The following HEBP1 variants were observed in gnomAD, a reference collection of about 807,000 sequenced individuals.
HEBP1 encodes the protein heme binding protein 1, also known as heme-binding protein 1.
In HEBP1, 13 loss-of-function variants were observed where a neutral mutation model predicts 20.4. The ratio of observed to expected loss-of-function variants is 0.64; its 90% CI spans 0.42 to 1.01. The LOEUF is 1.01. HEBP1 is among the 50% of genes least tolerant of loss of function. The probability of loss-of-function intolerance (pLI) is 0.00; values close to 1 mark genes in which losing one functional copy is unlikely to be tolerated. For missense variants in HEBP1, 241 were observed against 247.3 expected (o/e 0.97, Z 0.17); for synonymous variants, 92 against 90.7 (o/e 1.01, Z -0.08).
chr12:12,975,171 TGG>T lies in HEBP1; in HGVS notation c.*135_*136del. 1 of 730,366 alleles carries T rather than the reference TGG, an allele frequency of 1.4e-6. No individual in the cohort carries two copies. The highest frequency in any genetic ancestry group is 2.3e-6 in the Non-Finnish European group (1 of 433,760). The allele number at this position is 730,366 out of a possible 1,614,324, so 45.2% of individuals were successfully genotyped here. On this transcript the variant is annotated 3_prime_UTR_variant, in exon 4 of 4. Coordinates refer to ENST00000014930, the MANE Select transcript of HEBP1 (RefSeq NM_015987.5). Reference sequence around the variant, plus strand: ...ATGGAACATGCTTTTTTCAGAAAATTGGCAGTAACTGACTTTGAAGGAAAGTT... The same window carrying T: ...ATGGAACATGCTTTTTTCAGAAAATTCAGTAACTGACTTTGAAGGAAAGTT...
chr12:12,982,471 A>G (rs1245696353), intron 3 of HEBP1, among the ~76,000 whole-genome samples: 2 of 152,164 alleles, frequency 1.3e-5, no homozygotes, highest in African/African-American at 4.8e-5. Context: ...CTAAGTGGTA[A>G]TGTGGGAACC....
intron 2 of HEBP1, 37 bp downstream of exon 2, chr12:12,989,240 C>G (rs850918): frequency 0.85 from 1,375,639 of 1,610,080 alleles, 597,722 homozygotes; most frequent in East Asian, 0.99. Flanking sequence ...CAAAGCTGGT[C>G]CCCGAGACCA....
chr12:12,978,847 G>A (rs909749602), intron 3 of HEBP1: 3 of 152,098 alleles, frequency 2.0e-5, no homozygotes, highest in Admixed American at 2.0e-4. Flanking sequence ...GATTTAGTTT[G>A]GGGGGCATAT....
intron 3 of HEBP1, among the ~76,000 whole-genome samples, chr12:12,981,189 G>A (rs906258875): frequency 1.3e-5 from 2 of 152,216 alleles, no homozygotes; most frequent in African/African-American, 4.8e-5. Flanking sequence ...ATTGGAACAG[G>A]GTGGGTAGGA....
intron 1 of HEBP1, among the ~76,000 whole-genome samples, chr12:12,993,935 G>A (rs1864261128): frequency 6.6e-6 from 1 of 152,194 alleles, no homozygotes; most frequent in Non-Finnish European, 1.5e-5. Flanking sequence ...GTGATAACAT[G>A]TTTGGGGAGG....
chr12:12,991,578 G>A (rs1396273911), intron 1 of HEBP1, among the ~76,000 whole-genome samples: 1 of 152,068 alleles, frequency 6.6e-6, no homozygotes, highest in Non-Finnish European at 1.5e-5. Context: ...TCCTTGCCAC[G>A]TGATTGCTCA....
intron 3 of HEBP1, among the ~76,000 whole-genome samples, chr12:12,981,571 C>T (rs747854293): frequency 4.1e-4 from 63 of 152,160 alleles, no homozygotes; most frequent in Admixed American, 6.5e-4. Flanking sequence ...AAATGTTTGT[C>T]AAATCAAACC....
At chr12:12,979,862 G>A (rs1864052453) in intron 3 of HEBP1, 1 of 152,294 alleles carries the variant, frequency 6.6e-6, no homozygotes, top group African/African-American at 2.4e-5. Flanking sequence ...CCTGATTCCA[G>A]AAACACAACA....
At position 12,975,417 on chromosome 12, in the gene HEBP1, G is replaced by A; in HGVS notation, c.461C>T (p.Ala154Val). The A allele has an allele frequency of 1.2e-6, 2 of 1,613,160 alleles. No individual in the cohort carries two copies. The highest frequency in any genetic ancestry group is 1.7e-6 in the Non-Finnish European group (2 of 1,179,624). ...CCGGTAGGTGGCTGTGCCCTCCAGG[G>A]CAGCACGCAGACGGGTGGCTTGTGC... Reference protein sequence around the residue: ...YVAQATRLRAALEGTATYRGD... With the variant: ...YVAQATRLRAVLEGTATYRGD... The change falls in exon 4 of 4, where the codon GCC (alanine) becomes GTC (valine). Residue 154 changes from alanine (A) to valine (V), a missense_variant. Transcript: ENST00000014930.
At chr12:12,978,773 C>A (rs1864034574) in intron 3 of HEBP1, among the ~76,000 whole-genome samples, 1 of 152,012 alleles carries the variant, frequency 6.6e-6, no homozygotes, top group Non-Finnish European at 1.5e-5. Flanking sequence ...TGCCGCTAAC[C>A]AGAATAGGGA....
chr12:13,000,166 G>C lies in HEBP1; in HGVS notation c.-52C>G, dbSNP rs766988694. The stretch of plus-strand genomic sequence containing the variant: ...CGGGAGGACGTGAGGTGGCGGGGGC[G>C]ACGGAGCACCACGGGCAGCGACCAC... On this transcript the variant is annotated 5_prime_UTR_variant, in exon 1 of 4. Transcript: ENST00000014930. The C allele has an allele frequency of 7.5e-7, 1 of 1,338,874 alleles. No homozygotes were observed. The highest frequency in any genetic ancestry group is 2.6e-5 in the East Asian group (1 of 38,676). 82.9% of individuals were successfully genotyped at this position (1,338,874 alleles called of 1,614,324 possible). A position where few individuals can be genotyped will look rare whatever the true frequency, so the allele number is the denominator to read the frequency against.
rs926104561 is a variant in HEBP1 at position 12,979,625 on chromosome 12, G to C, written c.399-4146C>G. 1.8e-4 allele frequency: 27 copies of C among 152,280 alleles called. 1 individual carries two copies. Among genetic ancestry groups the C allele is most frequent in the Non-Finnish European group, 4.0e-4 (27 of 68,034 alleles). The allele number at this position is 152,280 out of a possible 1,614,324, so 9.4% of individuals were successfully genotyped here. A position where few individuals can be genotyped will look rare whatever the true frequency, so the allele number is the denominator to read the frequency against. ...CGAATTCCTGCGCGCACTTGAAGGT[G>C]AGTTAAGAAATGCTCATAAAGTGCT... On this transcript the variant is annotated intron_variant, in intron 3 of 3. Coordinates refer to ENST00000014930, the MANE Select transcript of HEBP1 (RefSeq NM_015987.5).
intron 3 of HEBP1, chr12:12,977,320 A>G (rs1179614014): frequency 6.6e-6 from 1 of 152,272 alleles, no homozygotes; most frequent in Non-Finnish European, 1.5e-5. Flanking sequence ...TAGTAAGCTC[A>G]CAACAAACAG....
At chr12:12,985,697 T>A (rs2136543807) in intron 3 of HEBP1, 1 of 152,214 alleles carries the variant, frequency 6.6e-6, no homozygotes, top group South Asian at 2.1e-4. Flanking sequence ...AAATAGTATC[T>A]TAGTAAATAC....
Position 12,998,810 on chromosome 12 carries a change from T to C in HEBP1, c.78+1227A>G, listed in dbSNP as rs777838837. ...CTACCTGTCCACCAGGAGATTATAA[T>C]CTAGCAGCACTCTCCTTGTTTTCAG... is the stretch of plus-strand genomic sequence containing the variant. On this transcript the variant is annotated intron_variant, in intron 1 of 3. Coordinates refer to ENST00000014930, the MANE Select transcript of HEBP1 (RefSeq NM_015987.5). This position sits in a 1 kb window ranked among gnomAD's most constrained non-coding sequence, Gnocchi z 4.2. Among the ~76,000 whole-genome samples, 3 of 152,228 alleles carry C rather than the reference T, an allele frequency of 2.0e-5. No individual in the cohort carries two copies. Among genetic ancestry groups the C allele is most frequent in the South Asian group, 2.1e-4 (1 of 4,836 alleles).
At chr12:12,997,810 C>G (rs375125685) in intron 1 of HEBP1, among the ~76,000 whole-genome samples, 3 of 152,210 alleles carry the variant, frequency 2.0e-5, no homozygotes, top group African/African-American at 7.2e-5. Context: ...CATTCCATGA[C>G]AAAAGCAAGA....
In HEBP1 at chr12:12,994,171, A is replaced by G. The variant is rs556115320; in HGVS notation, c.79-4756T>C. On this transcript the variant is annotated intron_variant, in intron 1 of 3. Transcript: ENST00000014930. ...GAGGATATTCCAGGTAGTGGGTACC[A>G]TAAGAGTAAACGAGGAGGGGTCAAG... 1.4e-4 allele frequency among the ~76,000 whole-genome samples: 22 copies of G among 152,364 alleles called. No homozygotes were observed. In the South Asian group the frequency reaches 4.3e-3, roughly 30 times the overall value.
At chr12:12,995,821 C>T (rs752433884) in intron 1 of HEBP1, among the ~76,000 whole-genome samples, 1 of 152,206 alleles carries the variant, frequency 6.6e-6, no homozygotes, top group Non-Finnish European at 1.5e-5. Flanking sequence ...TCCTTCACCC[C>T]ATCTCCATTA....
At chr12:12,988,826 C>A (rs570818799) in intron 2 of HEBP1, among the ~76,000 whole-genome samples, 1 of 152,244 alleles carries the variant, frequency 6.6e-6, no homozygotes, top group East Asian at 1.9e-4. Context: ...GGTCTGGAAC[C>A]TCACTGCTCA....
Sources: gnomAD v4.1 joint callset for allele counts (sites outside exome capture counted in the v4.1 genomes callset) on GRCh38, gnomAD v4.1.1 for gene constraint, Gnocchi (gnomAD v3.1) non-coding constraint, MANE v1.5 for transcripts, NCBI Gene and HGNC (gene_info 2026-07-23, HGNC 2026-07-21) for gene names.